The following WDR12 variants were observed in gnomAD, a reference collection of about 807,000 sequenced individuals.
WDR12 encodes the protein ribosome biogenesis protein WDR12.
A neutral mutation model predicts 64.3 loss-of-function variants in WDR12; 42 were observed. The ratio of observed to expected loss-of-function variants is 0.65; its 90% CI spans 0.51 to 0.84. The LOEUF (loss-of-function observed/expected upper bound fraction) is 0.84. Ranked by LOEUF, WDR12 falls within the 40% of genes least tolerant of loss-of-function variation. The pLI is 0.00. For synonymous variants in WDR12, 158 were observed against 173.3 expected, an observed-to-expected ratio of 0.91 and a Z score of 0.70; for missense variants, 469 against 494.6, an observed-to-expected ratio of 0.95 and a Z score of 0.49.
At chr2:202,911,299 G>A in intron 1 of WDR12, 137 bp downstream of exon 1, 4 of 810,684 alleles carry the variant, frequency 4.9e-6, no homozygotes, top group Non-Finnish European at 6.3e-6. Context: ...AACCTACGAA[G>A]CTGGTTAGAA....
At chr2:202,887,164 C>T (rs1688062281) in intron 8 of WDR12, among the ~76,000 whole-genome samples, 1 of 152,166 alleles carries the variant, frequency 6.6e-6, no homozygotes. Flanking sequence ...GCTGGGATTA[C>T]AGGCACGTGC....
chr2:202,889,336 C>T lies in WDR12; in HGVS notation c.741+3281G>A, dbSNP rs74981247. Among the ~76,000 whole-genome samples, 8 of 152,062 alleles carry T rather than the reference C, an allele frequency of 5.3e-5. No homozygotes were observed. The East Asian group carries it at 1.5e-3, about 29-fold the overall frequency. The stretch of plus-strand genomic sequence containing the variant: ...ATCCAGAATACATAAATAACTCTTA[C>T]AAATCAGTAAGTAAAAACAAAGCAA... On this transcript the variant is annotated intron_variant, in intron 8 of 12. Transcript: ENST00000261015.
chr2:202,880,969 C>A, intron 12 of WDR12, 32 bp from the exon 13 acceptor site: 1 of 1,529,408 alleles, frequency 6.5e-7, no homozygotes, highest in South Asian at 1.2e-5. Context: ...GACAAGAAAA[C>A]ATAAATAAAT....
rs1687898248 is a variant in WDR12 at position 202,878,433 on chromosome 2, A to G, written c.*2427T>C. On this transcript the variant is annotated 3_prime_UTR_variant, in exon 13 of 13. Coordinates refer to ENST00000261015, the MANE Select transcript of WDR12 (RefSeq NM_018256.4). ...CAATAAAATTTATACCAATCAGCAC[A>G]AAATGAGAAAAAGAAGGATTCTGTG... 6.6e-6 allele frequency: 1 copy of G among 152,230 alleles called. No homozygotes were observed. The highest frequency in any genetic ancestry group is 2.4e-5 in the African/African-American group (1 of 41,464). 9.4% of individuals were successfully genotyped at this position (152,230 alleles called of 1,614,324 possible).
intron 2 of WDR12, among the ~76,000 whole-genome samples, chr2:202,907,632 C>G (rs1688482313): frequency 6.6e-6 from 1 of 152,198 alleles, no homozygotes; most frequent in Admixed American, 6.5e-5. Context: ...ACTACAACCA[C>G]CATATTTCCA....
intron 4 of WDR12, among the ~76,000 whole-genome samples, chr2:202,897,621 G>A (rs1009830721): frequency 1.4e-5 from 2 of 147,768 alleles, no homozygotes; most frequent in Non-Finnish European, 3.0e-5. Context: ...TGGGCGTGGT[G>A]GCTCACGCCT....
intron 1 of WDR12, among the ~76,000 whole-genome samples, chr2:202,910,458 G>A (rs903459490): frequency 3.3e-4 from 51 of 152,250 alleles, no homozygotes; most frequent in Non-Finnish European, 8.8e-5. Context: ...GGGAGACAGA[G>A]GTTACAGTGA....
At chr2:202,889,427 G>A (rs1210659269) in intron 8 of WDR12, among the ~76,000 whole-genome samples, 1 of 152,144 alleles carries the variant, frequency 6.6e-6, no homozygotes, top group African/African-American at 2.4e-5. Context: ...GGGCTATGAG[G>A]TGGGAGGACT....
Position 202,880,231 on chromosome 2 carries a change from A to T in WDR12, c.*629T>A, listed in dbSNP as rs1180804920. 1.3e-5 allele frequency: 2 copies of T among 152,198 alleles called. No individual in the cohort carries two copies. Among genetic ancestry groups the T allele is most frequent in the Non-Finnish European group, 2.9e-5 (2 of 68,030 alleles). The allele number at this position is 152,198 out of a possible 1,614,324, so 9.4% of individuals were successfully genotyped here. ...GAAATAAAAATCTCAACAATCAATTACTGGATTTCCAATATAACCTTTTAC... is the reference window on the plus strand; with the variant it reads ...GAAATAAAAATCTCAACAATCAATTTCTGGATTTCCAATATAACCTTTTAC... On this transcript the variant is annotated 3_prime_UTR_variant, in exon 13 of 13. Transcript: ENST00000261015.
At chr2:202,897,908 AAT>A (rs11463463) in intron 4 of WDR12, among the ~76,000 whole-genome samples, 7 of 40,054 alleles carry the variant, frequency 1.7e-4, no homozygotes, top group African/African-American at 4.4e-4. Flanking sequence ...AAAAAAAAAA[AAT>A]ATATATATAT....
At chr2:202,886,767 CAAAAA>C (rs60735682) in intron 8 of WDR12, among the ~76,000 whole-genome samples, 2 of 79,048 alleles carry the variant, frequency 2.5e-5, no homozygotes, top group African/African-American at 5.7e-5. Flanking sequence ...AACTCCATCT[CAAAAA>C]AAAAAAAAAA....
At chr2:202,896,936 G>A (rs531273241) in intron 5 of WDR12, among the ~76,000 whole-genome samples, 2 of 152,174 alleles carry the variant, frequency 1.3e-5, no homozygotes, top group South Asian at 4.1e-4. Flanking sequence ...GCAGTGAGCC[G>A]AGATCATGCC....
chr2:202,882,546 C>T (rs1020041045), intron 12 of WDR12, among the ~76,000 whole-genome samples, 165 bp downstream of exon 12: 3 of 152,020 alleles, frequency 2.0e-5, no homozygotes, highest in Non-Finnish European at 2.9e-5. Context: ...GTCAGGATGG[C>T]CTCGATCTCC....
intron 8 of WDR12, among the ~76,000 whole-genome samples, chr2:202,888,036 G>A (rs1574403783): frequency 6.6e-6 from 1 of 152,090 alleles, no homozygotes; most frequent in South Asian, 2.1e-4. Context: ...AATGTTGATA[G>A]TTTTACTTAT....
At chr2:202,881,032 ACAAAAG>A in intron 12 of WDR12, 95 bp from the exon 13 acceptor site, 2 of 1,138,612 alleles carry the variant, frequency 1.8e-6, no homozygotes, top group Admixed American at 2.7e-5. Flanking sequence ...GATTTTCATT[ACAAAAG>A]GAATTATGGG....
Position 202,880,874 on chromosome 2 carries a change from G to A in WDR12, c.1258C>T (p.His420Tyr), listed in dbSNP as rs138397308. 1.2e-5 allele frequency: 20 copies of A among 1,609,914 alleles called. No homozygotes were observed. The highest frequency in any genetic ancestry group is 1.7e-4 in the Middle Eastern group (1 of 5,750). ...YSYRYSPTTS[H>Y]VGA ...ATTGTTCACTTTCATGCCCCAACAT[G>A]GGAAGTGGTAGGTGAATATCTGTAG... Residue 420 changes from histidine to tyrosine, a missense_variant, in exon 13 of 13, where the codon CAT becomes TAT. His to Tyr is a moderately conservative substitution (Grantham distance 83). Transcript: ENST00000261015.
intron 10 of WDR12, 38 bp from the exon 11 acceptor site, chr2:202,883,779 A>T: frequency 7.5e-6 from 12 of 1,599,326 alleles, no homozygotes; most frequent in Non-Finnish European, 1.0e-5. Flanking sequence ...GAATTTTAGA[A>T]AAGGGAAGTA....
rs746206041 is a variant in WDR12 at position 202,901,170 on chromosome 2, T to C, written c.137-51A>G. Reference sequence around the variant, plus strand: ...TCACTCTTAGTGTCTAAAGTAATATTGGCAGAGGTATATGAGAACTCCCAA... The same window carrying C: ...TCACTCTTAGTGTCTAAAGTAATATCGGCAGAGGTATATGAGAACTCCCAA... On this transcript the variant is annotated intron_variant, in intron 2 of 12. Transcript: ENST00000261015. 4 of 1,441,106 alleles carry C rather than the reference T, an allele frequency of 2.8e-6. No individual in the cohort carries two copies. In the East Asian group the frequency reaches 9.3e-5, roughly 34 times the overall value. 89.3% of individuals were successfully genotyped at this position (1,441,106 alleles called of 1,614,324 possible).
At chr2:202,884,119 C>G (rs939777254) in intron 10 of WDR12, 79 bp downstream of exon 10, 1 of 1,478,828 alleles carries the variant, frequency 6.8e-7, no homozygotes, top group African/African-American at 1.4e-5. Flanking sequence ...CCAGAAATTC[C>G]TTTTTTTGTA....
Sources: gnomAD v4.1 joint callset for allele counts (sites outside exome capture counted in the v4.1 genomes callset) on GRCh38, gnomAD v4.1.1 for gene constraint, MANE v1.5 for transcripts, NCBI Gene and HGNC (gene_info 2026-07-23, HGNC 2026-07-21) for gene names.